TMEM245: variants seen among roughly 807,000 people sequenced by gnomAD.
TMEM245 encodes the protein transmembrane protein 245, also known as protein CG-2.
In TMEM245, 69 loss-of-function variants were observed where a neutral mutation model predicts 101.2. That is an observed-to-expected ratio of 0.68 (90% CI 0.56 to 0.83). The LOEUF (loss-of-function observed/expected upper bound fraction) is 0.83. Ranked by LOEUF, TMEM245 falls within the 40% of genes least tolerant of loss-of-function variation. The probability of loss-of-function intolerance (pLI) is 0.00; values close to 1 mark genes in which losing one functional copy is unlikely to be tolerated. For synonymous variants in TMEM245, 537 were observed against 449.8 expected (o/e 1.19, Z -2.45); for missense variants, 1,075 against 1,092.8 (o/e 0.98, Z 0.23).
rs758625798 is a variant in TMEM245, at chr9:109,091,142, CCT to C, written c.928_929del (p.Arg310GlyfsTer31). 9 of 1,613,604 alleles carry C rather than the reference CCT, an allele frequency of 5.6e-6. No homozygotes were observed. Among genetic ancestry groups the C allele is most frequent in the East Asian group, 4.5e-5 (2 of 44,860 alleles). On this transcript the variant is annotated frameshift_variant, in exon 5 of 18. Transcript: ENST00000374586. LOFTEE classifies it high-confidence loss of function. ...PSTQPAEAVD[R>X]GESAPTLSTS... The stretch of plus-strand genomic sequence containing the variant: ...TGGACAACGTTGGAGCGGATTCTCC[CCT>C]GTCCACTGCTTCTGAAAAGGAAAAG...
In TMEM245 at chr9:109,108,485, A is replaced by G. The variant is rs1481267732; in HGVS notation, c.665T>C (p.Ile222Thr). 1 of 1,604,414 alleles carries G rather than the reference A, an allele frequency of 6.2e-7. No homozygotes were observed. The highest frequency in any genetic ancestry group is 1.3e-5 in the African/African-American group (1 of 74,570). ...STERYLRAVS[I>T]PVWIILLFHL... ...AAAAAGCAATATAATCCAGACAGGA[A>G]TTGAAACTGCTCTCAAGTAGCGTTC... The change falls in exon 2 of 18, where the codon ATT becomes ACT. Residue 222 changes from isoleucine to threonine, a missense_variant. By Grantham distance (89) the Ile-to-Thr change is moderately conservative. Around this residue, in one of 2 missense-constraint regions of TMEM245, gnomAD observed 808 missense variants for 741.5 expected, o/e 1.09. Transcript: ENST00000374586.
chr9:109,073,541 T>C, intron 8 of TMEM245, 103 bp from the exon 9 acceptor site: 1 of 799,646 alleles, frequency 1.3e-6, no homozygotes, highest in East Asian at 2.5e-5. Flanking sequence ...GAGAGCCAAA[T>C]AAATACACAT....
At chr9:109,103,891 G>A (rs1452533654) in intron 3 of TMEM245, among the ~76,000 whole-genome samples, 1 of 152,038 alleles carries the variant, frequency 6.6e-6, no homozygotes, top group Non-Finnish European at 1.5e-5. Context: ...TTCGAGACCA[G>A]CCTGGCCAAC....
chr9:109,043,788 C>T (rs935568936), intron 14 of TMEM245, among the ~76,000 whole-genome samples: 2 of 152,138 alleles, frequency 1.3e-5, no homozygotes, highest in Admixed American at 1.3e-4. Context: ...TCTCCTGTCC[C>T]ATACTATATA....
chr9:109,073,850 T>G lies in TMEM245; in HGVS notation c.1450-412A>C, dbSNP rs529894192. Among the ~76,000 whole-genome samples, 10 of 132,752 alleles carry G rather than the reference T, an allele frequency of 7.5e-5. No individual in the cohort carries two copies. In the South Asian group the frequency reaches 1.9e-3, roughly 25 times the overall value. 87.1% of individuals were successfully genotyped at this position (132,752 alleles called of 152,430 possible). ...CAGGCAAATAAGGAACTAACTTTTT[T>G]TTTTTGTTTTTTTTTTTTTTTTTTT... is the stretch of plus-strand genomic sequence containing the variant. On this transcript the variant is annotated intron_variant, in intron 8 of 17. Coordinates refer to ENST00000374586, the MANE Select transcript of TMEM245 (RefSeq NM_032012.4).
intron 8 of TMEM245, among the ~76,000 whole-genome samples, chr9:109,078,888 C>A (rs1411228935): frequency 2.6e-5 from 4 of 152,144 alleles, no homozygotes; most frequent in African/African-American, 9.7e-5. Context: ...TACATGTCTG[C>A]TAGATGTTTG....
chr9:109,061,604 T>C (rs1478403654), intron 10 of TMEM245, among the ~76,000 whole-genome samples: 1 of 152,154 alleles, frequency 6.6e-6, no homozygotes, highest in Non-Finnish European at 1.5e-5. Flanking sequence ...TCTTGCTCTG[T>C]CACCCAGGCT....
chr9:109,021,357 G>A (rs748021119), intron 17 of TMEM245, among the ~76,000 whole-genome samples: 1 of 152,138 alleles, frequency 6.6e-6, no homozygotes, highest in Non-Finnish European at 1.5e-5. Flanking sequence ...AGAGAGGCTG[G>A]GACCAGATGT....
chr9:109,064,986 A>G (rs1298458882), intron 9 of TMEM245, among the ~76,000 whole-genome samples: 1 of 152,046 alleles, frequency 6.6e-6, no homozygotes, highest in Non-Finnish European at 1.5e-5. Context: ...GGGTTTCACC[A>G]TGTTAGTCAG....
At chr9:109,027,254 C>A (rs1411878877) in intron 17 of TMEM245, among the ~76,000 whole-genome samples, 4 of 151,906 alleles carry the variant, frequency 2.6e-5, no homozygotes, top group Non-Finnish European at 5.9e-5. Flanking sequence ...AGCAGTAAGA[C>A]AACACCCTCT....
At chr9:109,061,164 A>G (rs1441901823) in intron 10 of TMEM245, among the ~76,000 whole-genome samples, 5 of 152,174 alleles carry the variant, frequency 3.3e-5, no homozygotes, top group African/African-American at 9.7e-5. Context: ...AAAATACAAA[A>G]AAATTACCAA....
At position 109,057,292 on chromosome 9, in the gene TMEM245, G is replaced by T. The variant is rs1161989843; in HGVS notation, c.1753C>A (p.Gln585Lys). 6.2e-7 allele frequency: 1 copy of T among 1,614,094 alleles called. No individual in the cohort carries two copies. Among genetic ancestry groups the T allele is most frequent in the East Asian group, 2.2e-5 (1 of 44,874 alleles). The change falls in exon 12 of 18, where the codon CAG (glutamine) becomes AAG (lysine). Residue 585 changes from glutamine (Q) to lysine (K), a missense_variant. Transcript: ENST00000374586. ...TTCTGACGACTGACATGCAACTTCT[G>T]TCCTTTGTGCCTTCCAGAGTGTGTT... is the stretch of plus-strand genomic sequence containing the variant. Reference protein sequence around the residue: ...NVTHSGRHKGQKLHVSRQNSW... With the variant: ...NVTHSGRHKGKKLHVSRQNSW...
intron 12 of TMEM245, 129 bp downstream of exon 12, chr9:109,057,062 T>G: frequency 9.9e-7 from 1 of 1,008,024 alleles, no homozygotes. Flanking sequence ...GCATTTAGAG[T>G]TCTCAAATAT....
In TMEM245 at chr9:109,080,897, A is replaced by G. The variant is rs774496640; in HGVS notation, c.1391T>C (p.Phe464Ser). Residue 464 changes from phenylalanine to serine, a missense_variant, in exon 8 of 18, where the codon TTC becomes TCC. Transcript: ENST00000374586. ...EKMLDKIISI[F>S]IIFLLVIGTL... ...TCCTATCACTAACAAAAATATGATG[A>G]AAATGCTAATTATTTTATCTAACAT... The G allele has an allele frequency of 6.2e-7, 1 of 1,610,946 alleles. No individual in the cohort carries two copies. Among genetic ancestry groups the G allele is most frequent in the African/African-American group, 1.3e-5 (1 of 74,828 alleles).
intron 14 of TMEM245, among the ~76,000 whole-genome samples, chr9:109,041,406 G>A (rs1028171713): frequency 1.4e-5 from 2 of 148,010 alleles, no homozygotes; most frequent in Non-Finnish European, 3.0e-5. Flanking sequence ...GAATGTAAGA[G>A]TTGAACTCAT....
intron 7 of TMEM245, 140 bp downstream of exon 7, chr9:109,085,857 A>T: frequency 1.1e-6 from 1 of 923,284 alleles, no homozygotes; most frequent in Non-Finnish European, 1.7e-6. Flanking sequence ...TTCATGCTTC[A>T]CAACCTTCCA....
At chr9:109,075,452 A>G (rs774329980) in intron 8 of TMEM245, among the ~76,000 whole-genome samples, 3 of 152,192 alleles carry the variant, frequency 2.0e-5, no homozygotes, top group Non-Finnish European at 4.4e-5. Context: ...TCTTCGCTAC[A>G]TGTTTGATAA....
At chr9:109,089,380 A>G (rs1829934788) in intron 5 of TMEM245, among the ~76,000 whole-genome samples, 1 of 152,240 alleles carries the variant, frequency 6.6e-6, no homozygotes. Context: ...GAGGAAAAAT[A>G]AAAAGAAGTG....
At chr9:109,034,382 T>A (rs1442910411) in intron 16 of TMEM245, among the ~76,000 whole-genome samples, 4 of 152,212 alleles carry the variant, frequency 2.6e-5, no homozygotes, top group African/African-American at 9.6e-5. Flanking sequence ...TCCAAAAAAA[T>A]GATTTAGGGC....
Sources: gnomAD v4.1 joint callset for allele counts (sites outside exome capture counted in the v4.1 genomes callset) on GRCh38, gnomAD v4.1.1 for gene constraint, gnomAD v4.1.1 regional missense constraint, MANE v1.5 for transcripts, NCBI Gene and HGNC (gene_info 2026-07-23, HGNC 2026-07-21) for gene names.